The following SPAG17 variants were observed in gnomAD, a reference collection of about 807,000 sequenced individuals.
SPAG17 encodes sperm-associated antigen 17.
A neutral mutation model predicts 273.6 loss-of-function variants in SPAG17; 169 were observed. The ratio of observed to expected loss-of-function variants is 0.62; its 90% CI spans 0.55 to 0.70. The LOEUF (loss-of-function observed/expected upper bound fraction) is 0.70. SPAG17 is among the 30% of genes least tolerant of loss of function. The pLI, the probability that SPAG17 is intolerant of heterozygous loss-of-function variation, is 0.00. For missense variants in SPAG17, 2,557 were observed against 2,627.8 expected, an observed-to-expected ratio of 0.97 and a Z score of 0.59; for synonymous variants, 825 against 873.2, an observed-to-expected ratio of 0.94 and a Z score of 0.97.
intron 30 of SPAG17, among the ~76,000 whole-genome samples, chr1:118,009,222 C>A (rs1413870076): frequency 2.0e-5 from 3 of 149,036 alleles, no homozygotes; most frequent in Non-Finnish European, 4.4e-5. Flanking sequence ...GACGATTTTC[C>A]AAGAGTGTAG....
At chr1:118,113,115 A>C (rs1361256386) in intron 4 of SPAG17, among the ~76,000 whole-genome samples, 2 of 152,134 alleles carry the variant, frequency 1.3e-5, no homozygotes, top group African/African-American at 4.8e-5. Context: ...CAAAAATTAA[A>C]CATAGAAGAT....
intron 16 of SPAG17, among the ~76,000 whole-genome samples, 197 bp downstream of exon 16, chr1:118,074,342 C>G (rs1049039350): frequency 6.6e-6 from 1 of 152,136 alleles, no homozygotes; most frequent in African/African-American, 2.4e-5. Flanking sequence ...GGAAGTTATG[C>G]GCAAGCCGCC....
chr1:118,000,392 G>C (rs1239247363), intron 32 of SPAG17, among the ~76,000 whole-genome samples: 1 of 152,170 alleles, frequency 6.6e-6, no homozygotes, highest in Non-Finnish European at 1.5e-5. Context: ...GGATGGCATT[G>C]AATCTATAAA....
At chr1:118,089,790 C>T (rs1433682854) in intron 10 of SPAG17, among the ~76,000 whole-genome samples, 1 of 152,168 alleles carries the variant, frequency 6.6e-6, no homozygotes, top group African/African-American at 2.4e-5. Context: ...TACGGTTTGG[C>T]TCTGTATCTC....
intron 3 of SPAG17, 122 bp from the exon 4 acceptor site, chr1:118,115,563 C>T (rs1657026122): frequency 1.9e-6 from 2 of 1,031,712 alleles, no homozygotes; most frequent in South Asian, 3.8e-5. Flanking sequence ...TACTTCATTG[C>T]TGGCTGAAAA....
chr1:117,992,031 T>C (rs1160976753), intron 36 of SPAG17, among the ~76,000 whole-genome samples: 7 of 152,208 alleles, frequency 4.6e-5, no homozygotes, highest in African/African-American at 1.4e-4. Context: ...ATATAATCCC[T>C]GTACTGAGGG....
At chr1:118,170,122 C>T (rs530426343) in intron 1 of SPAG17, among the ~76,000 whole-genome samples, 1 of 152,308 alleles carries the variant, frequency 6.6e-6, no homozygotes, top group African/African-American at 2.4e-5. Context: ...ATTCAACTAG[C>T]TCTCCTGGTT....
chr1:118,155,785 T>C (rs2102360260), intron 1 of SPAG17, among the ~76,000 whole-genome samples: 1 of 152,358 alleles, frequency 6.6e-6, no homozygotes, highest in South Asian at 2.1e-4. Context: ...CGATAACCTT[T>C]TTGTTAAGCA....
At chr1:118,114,584 T>C (rs566445528) in intron 4 of SPAG17, among the ~76,000 whole-genome samples, 2 of 152,172 alleles carry the variant, frequency 1.3e-5, no homozygotes, top group African/African-American at 2.4e-5. Context: ...AAACATTACA[T>C]ATGTATATAC....
intron 1 of SPAG17, among the ~76,000 whole-genome samples, chr1:118,175,828 G>A (rs1660673612): frequency 6.6e-6 from 1 of 152,146 alleles, no homozygotes; most frequent in Admixed American, 6.5e-5. Flanking sequence ...CCAGGATACT[G>A]TAATGCTGTA....
intron 48 of SPAG17, chr1:117,958,981 T>C: frequency 6.2e-7 from 1 of 1,613,990 alleles, no homozygotes; most frequent in Non-Finnish European, 8.5e-7. Flanking sequence ...GAAACAACTA[T>C]TTCAAAAGTC....
At chr1:118,065,549 A>T (rs891198390) in intron 18 of SPAG17, among the ~76,000 whole-genome samples, 5 of 152,208 alleles carry the variant, frequency 3.3e-5, no homozygotes, top group Non-Finnish European at 5.9e-5. Flanking sequence ...TACACATGTA[A>T]CTATTCTAAA....
At chr1:118,014,945 T>A (rs181738218) in intron 29 of SPAG17, among the ~76,000 whole-genome samples, 2 of 152,254 alleles carry the variant, frequency 1.3e-5, no homozygotes, top group Non-Finnish European at 2.9e-5. Flanking sequence ...ACATTTGGTG[T>A]GAGGGCTGAA....
In SPAG17 at chr1:118,068,912, G is replaced by T. The variant is rs375499146; in HGVS notation, c.2386-2013C>A. Among the ~76,000 whole-genome samples the T allele has an allele frequency of 2.6e-5, 4 of 152,118 alleles. No homozygotes were observed. The East Asian group carries it at 5.8e-4, about 22-fold the overall frequency. ...GGGACTACAGACCTGTGGCTTTATAGATTATTTTGGAGTTGAAGGAGGTGT... is the reference window on the plus strand; with the variant it reads ...GGGACTACAGACCTGTGGCTTTATATATTATTTTGGAGTTGAAGGAGGTGT... On this transcript the variant is annotated intron_variant, in intron 17 of 48. Transcript: ENST00000336338.
intron 42 of SPAG17, 145 bp from the exon 43 acceptor site, chr1:117,981,546 A>G: frequency 1.2e-6 from 1 of 811,708 alleles, no homozygotes; most frequent in Non-Finnish European, 1.8e-6. Context: ...AAGACTAAAT[A>G]TAAGAAAGCC....
At chr1:118,044,104 T>C (rs962997890) in intron 20 of SPAG17, among the ~76,000 whole-genome samples, 34 of 152,188 alleles carry the variant, frequency 2.2e-4, no homozygotes, top group African/African-American at 8.0e-4. Flanking sequence ...GTACTATATA[T>C]ACTGTGTGTC....
chr1:118,144,591 T>A (rs1029867813), intron 3 of SPAG17, among the ~76,000 whole-genome samples: 3 of 152,216 alleles, frequency 2.0e-5, no homozygotes, highest in Non-Finnish European at 4.4e-5. Flanking sequence ...ATTAATTGGT[T>A]CCAGCTTTAA....
At chr1:118,022,017 T>G (rs533551221) in intron 28 of SPAG17, among the ~76,000 whole-genome samples, 4 of 152,236 alleles carry the variant, frequency 2.6e-5, no homozygotes, top group African/African-American at 9.6e-5. Flanking sequence ...CTGGGTACTG[T>G]GGTGAGATGT....
At chr1:118,125,777 G>A (rs989457046) in intron 3 of SPAG17, among the ~76,000 whole-genome samples, 1 of 152,094 alleles carries the variant, frequency 6.6e-6, no homozygotes, top group African/African-American at 2.4e-5. Flanking sequence ...TTCATCTGTT[G>A]ACAGACACAG....
Sources: allele counts gnomAD v4.1 joint callset (sites outside exome capture counted in the v4.1 genomes callset), GRCh38; gene constraint gnomAD v4.1.1; transcripts MANE v1.5; gene names NCBI Gene and HGNC (gene_info 2026-07-23, HGNC 2026-07-21).